Variants in RHBDD1 observed in about 807,000 individuals in gnomAD.
The protein encoded by RHBDD1 is rhomboid-related protein 4.
In RHBDD1, 38 loss-of-function variants were observed where a neutral mutation model predicts 36.3. The ratio of observed to expected loss-of-function variants is 1.05; its 90% CI spans 0.81 to 1.37. The LOEUF (loss-of-function observed/expected upper bound fraction) is 1.37. Ranked by LOEUF, RHBDD1 falls within the 40% of genes most tolerant of loss-of-function variation. The pLI is 0.00. For missense variants in RHBDD1, 393 were observed against 377.6 expected (o/e 1.04, Z -0.34); for synonymous variants, 151 against 136.5 (o/e 1.11, Z -0.74).
At chr2:226,977,879 AAG>A in intron 8 of RHBDD1, among the ~76,000 whole-genome samples, 1 of 152,348 alleles carries the variant, frequency 6.6e-6, no homozygotes, top group South Asian at 2.1e-4. Flanking sequence ...TGTAAACATG[AAG>A]AGTTTGCATT....
intron 8 of RHBDD1, among the ~76,000 whole-genome samples, chr2:226,922,186 A>T (rs1949362377): frequency 6.7e-6 from 1 of 148,266 alleles, no homozygotes; most frequent in African/African-American, 2.5e-5. Context: ...TTCCACTGGA[A>T]TTAAGTATCT....
At chr2:226,993,750 T>A (rs1958783526) in intron 8 of RHBDD1, among the ~76,000 whole-genome samples, 1 of 152,136 alleles carries the variant, frequency 6.6e-6, no homozygotes, top group African/African-American at 2.4e-5. Flanking sequence ...AAAAAAGGGG[T>A]TGGCTTTGAC....
chr2:226,826,344 GATTA>G, the RHBDD1 span, among the ~76,000 whole-genome samples: 28 of 152,250 alleles, frequency 1.8e-4, no homozygotes, highest in Middle Eastern at 6.8e-3. Flanking sequence ...AGTTCCGTTA[GATTA>G]ATTGAGAGTT....
chr2:226,969,367 A>G (rs1458534641), intron 8 of RHBDD1, among the ~76,000 whole-genome samples: 1 of 141,930 alleles, frequency 7.0e-6, no homozygotes, highest in African/African-American at 2.6e-5. Flanking sequence ...AGCAATAGCC[A>G]TTTGCTCTGG....
intron 8 of RHBDD1, among the ~76,000 whole-genome samples, chr2:226,976,793 C>T (rs904124232): frequency 6.6e-6 from 1 of 152,210 alleles, no homozygotes; most frequent in Non-Finnish European, 1.5e-5. Flanking sequence ...AGTGAGGCCT[C>T]TTGGCCCTGG....
At chr2:226,850,761 T>C (rs549675297) in intron 3 of RHBDD1, among the ~76,000 whole-genome samples, 1 of 152,280 alleles carries the variant, frequency 6.6e-6, no homozygotes, top group Admixed American at 6.5e-5. Context: ...ACTAAGATTG[T>C]GTGAAATCCA....
intron 8 of RHBDD1, among the ~76,000 whole-genome samples, chr2:226,936,191 G>T (rs1241487763): frequency 6.6e-6 from 1 of 152,026 alleles, no homozygotes; most frequent in African/African-American, 2.4e-5. Context: ...TGTATTGAAG[G>T]TTTTCATTTC....
At chr2:226,959,628 T>C (rs911918188) in intron 8 of RHBDD1, among the ~76,000 whole-genome samples, 6 of 152,230 alleles carry the variant, frequency 3.9e-5, no homozygotes, top group Non-Finnish European at 7.3e-5. Context: ...ATTGTACAGA[T>C]ATACCATAAT....
intron 8 of RHBDD1, among the ~76,000 whole-genome samples, chr2:226,970,039 G>C (rs946851905): frequency 7.6e-6 from 1 of 131,950 alleles, no homozygotes; most frequent in Non-Finnish European, 1.5e-5. Flanking sequence ...TTTTAACCTG[G>C]TCACATCGTC....
At chr2:226,955,481 T>C (rs1951727872) in intron 8 of RHBDD1, among the ~76,000 whole-genome samples, 1 of 152,254 alleles carries the variant, frequency 6.6e-6, no homozygotes, top group Admixed American at 6.5e-5. Context: ...GTCACTGATC[T>C]TTGAGAATGG....
upstream of RHBDD1, among the ~76,000 whole-genome samples, chr2:226,832,622 C>T (rs1167057153): frequency 6.6e-6 from 1 of 152,196 alleles, no homozygotes; most frequent in East Asian, 1.9e-4. Flanking sequence ...ATTTTTGCTT[C>T]ATGAATTTAG....
At chr2:226,923,802 G>A (rs766447074) in intron 8 of RHBDD1, among the ~76,000 whole-genome samples, 6 of 152,100 alleles carry the variant, frequency 3.9e-5, no homozygotes, top group Middle Eastern at 3.4e-3. Context: ...TCTTCAGTAT[G>A]TCAATTACAT....
At chr2:226,868,798 A>G (rs960833075) in intron 5 of RHBDD1, among the ~76,000 whole-genome samples, 2 of 152,190 alleles carry the variant, frequency 1.3e-5, no homozygotes, top group African/African-American at 2.4e-5. Flanking sequence ...GCCCCTGAGT[A>G]CCACTCATTT....
At chr2:226,889,538 G>C (rs945182240) in intron 5 of RHBDD1, among the ~76,000 whole-genome samples, 2 of 152,194 alleles carry the variant, frequency 1.3e-5, no homozygotes, top group Admixed American at 1.3e-4. Flanking sequence ...AAGGCATGTA[G>C]TGTTTTTGGA....
intron 3 of RHBDD1, among the ~76,000 whole-genome samples, chr2:226,849,746 A>G (rs1248474697): frequency 6.6e-6 from 1 of 151,540 alleles, no homozygotes; most frequent in Non-Finnish European, 1.5e-5. Flanking sequence ...ATCTATATCT[A>G]TATATCTATA....
chr2:226,937,692 T>G (rs1950419827), intron 8 of RHBDD1, among the ~76,000 whole-genome samples: 1 of 152,146 alleles, frequency 6.6e-6, no homozygotes, highest in South Asian at 2.1e-4. Context: ...GAACATGCGG[T>G]ATTAAGTTTT....
intron 8 of RHBDD1, among the ~76,000 whole-genome samples, chr2:226,933,823 C>A (rs537555438): frequency 6.6e-6 from 1 of 152,248 alleles, no homozygotes; most frequent in African/African-American, 2.4e-5. Flanking sequence ...ATTCCTTATT[C>A]TTCACTGGGG....
At chr2:226,918,039 T>C (rs1949037283) in intron 8 of RHBDD1, among the ~76,000 whole-genome samples, 1 of 152,028 alleles carries the variant, frequency 6.6e-6, no homozygotes, top group Non-Finnish European at 1.5e-5. Flanking sequence ...ATGAAGTAAT[T>C]AATACTAACT....
At chr2:226,802,276 A>G in the RHBDD1 span, among the ~76,000 whole-genome samples, 15,825 of 152,292 alleles carry the variant, frequency 0.1, 1,163 homozygotes, top group African/African-American at 0.21. Context: ...TTATGAAATA[A>G]GCCTCACTGC....
Sources: gnomAD v4.1 joint callset for allele counts (sites outside exome capture counted in the v4.1 genomes callset) on GRCh38, gnomAD v4.1.1 for gene constraint, MANE v1.5 for transcripts, NCBI Gene and HGNC (gene_info 2026-07-23, HGNC 2026-07-21) for gene names.